Variants in KIT observed in about 807,000 individuals in gnomAD.
KIT encodes KIT proto-oncogene, receptor tyrosine kinase, also known as mast/stem cell growth factor receptor Kit.
In KIT, 16 loss-of-function variants were observed where a neutral mutation model predicts 105.7. The ratio of observed to expected loss-of-function variants is 0.15; its 90% CI spans 0.10 to 0.23. The LOEUF is 0.23. Among genes scored for constraint, KIT ranks in the 10% least tolerant of loss-of-function variants. The pLI, the probability that KIT is intolerant of heterozygous loss-of-function variation, is 1.00. For missense variants in KIT, 858 were observed against 1,213.8 expected (o/e 0.71, Z 4.36); for synonymous variants, 438 against 441.1 (o/e 0.99, Z 0.09).
intron 1 of KIT, among the ~76,000 whole-genome samples, chr4:54,664,854 C>T (rs924360483): frequency 2.0e-5 from 3 of 150,376 alleles, no homozygotes; most frequent in Admixed American, 6.6e-5. Context: ...TCCCAAAATG[C>T]TGGGGTTACA....
At chr4:54,674,932 A>G (rs996929086) in intron 1 of KIT, among the ~76,000 whole-genome samples, 2 of 152,244 alleles carry the variant, frequency 1.3e-5, no homozygotes, top group African/African-American at 4.8e-5. Context: ...TTTTAAAAGT[A>G]TTAAATCACA....
At chr4:54,665,868 T>G (rs1231077014) in intron 1 of KIT, among the ~76,000 whole-genome samples, 1 of 152,190 alleles carries the variant, frequency 6.6e-6, no homozygotes, top group Admixed American at 6.5e-5. Flanking sequence ...CATGGCTCTA[T>G]AATATTACGG....
At chr4:54,686,580 C>T (rs778582727) in intron 1 of KIT, among the ~76,000 whole-genome samples, 12 of 152,102 alleles carry the variant, frequency 7.9e-5, no homozygotes, top group Non-Finnish European at 1.6e-4. Flanking sequence ...GGCCTTACTC[C>T]ACTCCTCAGG....
chr4:54,713,528 C>A (rs6843170), intron 7 of KIT, among the ~76,000 whole-genome samples: 23,535 of 152,008 alleles, frequency 0.15, 2,451 homozygotes, highest in African/African-American at 0.29. Context: ...CTGCAAAAAT[C>A]AGAATTGATA....
At position 54,736,678 on chromosome 4, in the gene KIT, C is replaced by T. The variant is rs759489923; in HGVS notation, c.2597-43C>T. 9 of 1,603,134 alleles carry T rather than the reference C, an allele frequency of 5.6e-6. No homozygotes were observed. The Admixed American group carries it at 6.7e-5, about 12-fold the overall frequency. On this transcript the variant is annotated intron_variant, in intron 18 of 20. Coordinates refer to ENST00000288135, the MANE Select transcript of KIT (RefSeq NM_000222.3). Reference sequence around the variant, plus strand: ...ATCTTCTTGAAGTTTCATTGGTGTCCTGCTTCCTTGTGATTAACACTGCTT... The same window carrying T: ...ATCTTCTTGAAGTTTCATTGGTGTCTTGCTTCCTTGTGATTAACACTGCTT...
At position 54,731,868 on chromosome 4, in the gene KIT, C is replaced by T. The variant is rs370131461; in HGVS notation, c.2234-3C>T. 3.0e-5 allele frequency: 49 copies of T among 1,613,084 alleles called. No homozygotes were observed. The African/African-American group carries it at 4.1e-4, about 14-fold the overall frequency. ...GCTAAGAAAAATCCTCTCTTCCTCA[C>T]AGGCTCATACATAGAAAGAGATGTG... On this transcript the variant is annotated splice_region_variant and splice_polypyrimidine_tract_variant and intron_variant, in intron 15 of 20. Coordinates refer to ENST00000288135, the MANE Select transcript of KIT (RefSeq NM_000222.3).
chr4:54,696,052 G>C, intron 2 of KIT: 1 of 519,996 alleles, frequency 1.9e-6, no homozygotes, highest in East Asian at 3.3e-5. Flanking sequence ...GGTGCTTTGA[G>C]TAAACCCTGA....
intron 1 of KIT, among the ~76,000 whole-genome samples, chr4:54,676,294 T>C (rs915145889): frequency 5.9e-5 from 9 of 152,142 alleles, no homozygotes; most frequent in African/African-American, 2.2e-4. Flanking sequence ...GCCATCTGTT[T>C]TAACAAGCTC....
intron 1 of KIT, among the ~76,000 whole-genome samples, chr4:54,674,792 T>A (rs994868183): frequency 2.0e-5 from 3 of 152,224 alleles, no homozygotes; most frequent in Admixed American, 2.0e-4. Context: ...GCTGAAATCA[T>A]CCGAGTGCCA....
At chr4:54,678,290 CTCCTTCCTTCCT>C (rs55800200) in intron 1 of KIT, among the ~76,000 whole-genome samples, 1,056 of 101,600 alleles carry the variant, frequency 0.01, 18 homozygotes, top group African/African-American at 0.026. Flanking sequence ...GGCTGGCTCG[CTCCTTCCTTCCT>C]TCCTTCCTTC....
intron 1 of KIT, among the ~76,000 whole-genome samples, chr4:54,664,186 TG>T (rs1717508378): frequency 6.6e-6 from 1 of 152,082 alleles, no homozygotes; most frequent in African/African-American, 2.4e-5. Flanking sequence ...TGGCTTCAGC[TG>T]AAAAAAACTA....
In KIT at chr4:54,698,584, CT is replaced by C; in HGVS notation, c.619+20del. ...AGGCCAGGTACTGGCTCTTTCTTAT[CT>C]GCCTCTGGGAGTTGAGAACTCACTT... is the stretch of plus-strand genomic sequence containing the variant. On this transcript the variant is annotated intron_variant, in intron 3 of 20. Transcript: ENST00000288135. 6.2e-7 allele frequency: 1 copy of C among 1,613,582 alleles called. No individual in the cohort carries two copies.
chr4:54,696,482 C>T (rs1720075271), intron 2 of KIT, among the ~76,000 whole-genome samples: 2 of 152,178 alleles, frequency 1.3e-5, no homozygotes, highest in South Asian at 2.1e-4. Flanking sequence ...ATCCAAGTGA[C>T]GGGAGGAGAA....
rs376889675 is a variant in KIT, at chr4:54,723,633, A to T, written c.1281A>T (p.Gln427His). The change falls in exon 8 of 21, where the codon CAA (glutamine) becomes CAT (histidine). Residue 427 changes from glutamine to histidine, a missense_variant. Physicochemically the swap from Gln to His is conservative, Grantham distance 24 (BLOSUM62 0). Around this residue, in one of 7 missense-constraint regions of KIT, gnomAD observed 401 missense variants for 601.0 expected, o/e 0.67. Transcript: ENST00000288135. ...ACAGGCTCGTGAATGGCATGCTCCA[A>T]TGTGTGGCAGCAGGATTCCCAGAGC... ...TYDRLVNGML[Q>H]CVAAGFPEPT... 1.9e-6 allele frequency: 3 copies of T among 1,614,006 alleles called. No homozygotes were observed. Among genetic ancestry groups the T allele is most frequent in the Non-Finnish European group, 1.7e-6 (2 of 1,180,018 alleles).
chr4:54,730,043 A>T (rs1722490949), intron 14 of KIT, among the ~76,000 whole-genome samples: 1 of 152,170 alleles, frequency 6.6e-6, no homozygotes, highest in Non-Finnish European at 1.5e-5. Context: ...CACATTTTTT[A>T]AAAATTCTGG....
chr4:54,709,137 G>A (rs1468649160), intron 6 of KIT, among the ~76,000 whole-genome samples: 1 of 151,936 alleles, frequency 6.6e-6, no homozygotes, highest in Admixed American at 6.6e-5. Context: ...GGGGGAGGGC[G>A]GAGGCGGGAG....
intron 11 of KIT, 56 bp downstream of exon 11, chr4:54,727,598 C>T: frequency 1.2e-6 from 2 of 1,603,704 alleles, no homozygotes; most frequent in Non-Finnish European, 1.7e-6. Context: ...ATAACAGTGA[C>T]TTTAAGGAAC....
intron 1 of KIT, among the ~76,000 whole-genome samples, chr4:54,662,780 C>T (rs1717377458): frequency 6.6e-6 from 1 of 152,102 alleles, no homozygotes; most frequent in African/African-American, 2.4e-5. Context: ...ACCATGTTGG[C>T]CTGGCTGGTC....
intron 1 of KIT, among the ~76,000 whole-genome samples, chr4:54,687,175 A>AG (rs572979812): frequency 3.9e-5 from 6 of 152,328 alleles, no homozygotes; most frequent in African/African-American, 1.4e-4. Flanking sequence ...TCAACCTTCA[A>AG]GAAGACTCAT....
Sources: allele counts gnomAD v4.1 joint callset (sites outside exome capture counted in the v4.1 genomes callset), GRCh38; gene constraint gnomAD v4.1.1; regional missense constraint gnomAD v4.1.1; transcripts MANE v1.5; gene names NCBI Gene and HGNC (gene_info 2026-07-23, HGNC 2026-07-21).